KDM3A: variants seen among roughly 807,000 people sequenced by gnomAD.
KDM3A encodes lysine-specific demethylase 3A.
A neutral mutation model predicts 158.0 loss-of-function variants in KDM3A; 60 were observed. The observed-to-expected ratio is 0.38, with a 90% CI of 0.31 to 0.47. KDM3A has a LOEUF of 0.47. KDM3A is among the 20% of genes least tolerant of loss of function. The pLI, the probability that KDM3A is intolerant of heterozygous loss-of-function variation, is 0.99. For missense variants in KDM3A, 1,319 were observed against 1,574.3 expected (o/e 0.84, Z 2.74); for synonymous variants, 608 against 549.3 (o/e 1.11, Z -1.49).
intron 12 of KDM3A, among the ~76,000 whole-genome samples, chr2:86,476,586 TCGA>T (rs1329545846): frequency 1.3e-5 from 2 of 152,224 alleles, no homozygotes; most frequent in African/African-American, 4.8e-5. Flanking sequence ...GGAGCAGATC[TCGA>T]CTATTACTAC....
At chr2:86,448,704 C>G (rs1370643135) in intron 2 of KDM3A, among the ~76,000 whole-genome samples, 1 of 152,070 alleles carries the variant, frequency 6.6e-6, no homozygotes, top group Non-Finnish European at 1.5e-5. Flanking sequence ...TGAGTGATGT[C>G]TGTAAAATGA....
At position 86,446,089 on chromosome 2, in the gene KDM3A, TATTA is replaced by T. The variant is rs891414885; in HGVS notation, c.187-3714_187-3711del. Among the ~76,000 whole-genome samples, 30 of 152,326 alleles carry T rather than the reference TATTA, an allele frequency of 2.0e-4. 1 individual carries two copies. The highest frequency in any genetic ancestry group is 7.7e-4 in the East Asian group (4 of 5,190). On this transcript the variant is annotated intron_variant, in intron 2 of 25. Coordinates refer to ENST00000312912, the MANE Select transcript of KDM3A (RefSeq NM_018433.6). Reference sequence around the variant, plus strand: ...TTTGATATTAGTTTATTAGATACAATATTAATTCATATATCAGAAAGATTTTCTG... The same window carrying T: ...TTTGATATTAGTTTATTAGATACAATATTCATATATCAGAAAGATTTTCTG...
chr2:86,439,493 C>A (rs1178406929), upstream of KDM3A, among the ~76,000 whole-genome samples: 3 of 151,978 alleles, frequency 2.0e-5, no homozygotes, highest in African/African-American at 7.2e-5. Flanking sequence ...GGATATCTTT[C>A]CATCTTTTCT....
chr2:86,448,439 T>C (rs1683041037), intron 2 of KDM3A, among the ~76,000 whole-genome samples: 1 of 152,180 alleles, frequency 6.6e-6, no homozygotes, highest in East Asian at 1.9e-4. Context: ...TGATATACAG[T>C]TGTAAGCAAA....
At chr2:86,444,654 GTGAGATGGGGGTGGGGCGAGGGGC>G (rs1377925752) in intron 2 of KDM3A, among the ~76,000 whole-genome samples, 1 of 145,518 alleles carries the variant, frequency 6.9e-6, no homozygotes, top group Non-Finnish European at 1.5e-5. Context: ...TTTTTGGGGG[GTGAGATGGGGGTGGGGCGAGGGGC>G]TGAGATGAAT....
intron 8 of KDM3A, among the ~76,000 whole-genome samples, chr2:86,460,260 G>A (rs72930369): frequency 1.3e-5 from 2 of 151,912 alleles, no homozygotes; most frequent in Admixed American, 1.3e-4. Context: ...CCATACTCTT[G>A]TAGCCTCCTT....
At chr2:86,439,983 TTG>T (rs1682597998), upstream of KDM3A, among the ~76,000 whole-genome samples, 1 of 152,218 alleles carries the variant, frequency 6.6e-6, no homozygotes, top group African/African-American at 2.4e-5. Context: ...CTTTTAAAAC[TTG>T]TGAGTGAAAT....
At chr2:86,462,473 A>T (rs975396939) in intron 8 of KDM3A, among the ~76,000 whole-genome samples, 1 of 152,182 alleles carries the variant, frequency 6.6e-6, no homozygotes, top group African/African-American at 2.4e-5. Flanking sequence ...TATTACAAGC[A>T]AAAGGGACTT....
intron 2 of KDM3A, among the ~76,000 whole-genome samples, chr2:86,448,266 T>C (rs1325982398): frequency 6.6e-6 from 1 of 152,210 alleles, no homozygotes; most frequent in Non-Finnish European, 1.5e-5. Flanking sequence ...TTCATTTATT[T>C]TTATCCTGTA....
intron 15 of KDM3A, 76 bp from the exon 16 acceptor site, chr2:86,480,091 T>A: frequency 8.7e-7 from 1 of 1,146,682 alleles, no homozygotes; most frequent in South Asian, 1.2e-5. Flanking sequence ...GTTGGTCGGC[T>A]ATTAGGAGAG....
intron 4 of KDM3A, 80 bp downstream of exon 4, chr2:86,451,293 C>T: frequency 1.2e-6 from 1 of 860,534 alleles, no homozygotes; most frequent in Middle Eastern, 3.0e-4. Flanking sequence ...ACAGTTGAAC[C>T]TTAAATAGTG....
intron 16 of KDM3A, among the ~76,000 whole-genome samples, chr2:86,481,510 T>A (rs891638957): frequency 2.6e-5 from 4 of 151,756 alleles, no homozygotes; most frequent in Admixed American, 1.3e-4. Context: ...TTTTTTTTTT[T>A]AAACAGTTTC....
chr2:86,469,898 A>G (rs1412203202), intron 10 of KDM3A, among the ~76,000 whole-genome samples: 1 of 152,208 alleles, frequency 6.6e-6, no homozygotes, highest in Non-Finnish European at 1.5e-5. Context: ...AAAACATCCT[A>G]AAATGTAGAG....
At position 86,466,646 on chromosome 2, in the gene KDM3A, T is replaced by C. The variant is rs375633577; in HGVS notation, c.1282T>C (p.Leu428=). The C allele has an allele frequency of 5.6e-5, 91 of 1,613,820 alleles. No individual in the cohort carries two copies. The highest frequency in any genetic ancestry group is 7.4e-5 in the Non-Finnish European group (87 of 1,179,886). The part of the protein sequence containing the change: ...LPTKASSKAE[L]EIANPPELQK... ...TACAAAGGCTTCTTCTAAGGCAGAATTGGAAATTGCCAATCCTCCTGAACT... is the reference window on the plus strand; with the variant it reads ...TACAAAGGCTTCTTCTAAGGCAGAACTGGAAATTGCCAATCCTCCTGAACT... The change falls in exon 10 of 26, where the codon TTG becomes CTG. Residue 428 remains leucine, a synonymous_variant. Transcript: ENST00000312912.
rs780396421 is a variant in KDM3A, at chr2:86,482,006, C to T, written c.2589C>T (p.Ser863=). The T allele has an allele frequency of 1.2e-6, 2 of 1,613,902 alleles. No homozygotes were observed. Among genetic ancestry groups the T allele is most frequent in the Non-Finnish European group, 1.7e-6 (2 of 1,179,780 alleles). The change falls in exon 17 of 26, where the codon AGC becomes AGT. Residue 863 remains serine (S), a synonymous_variant. Transcript: ENST00000312912. ...LPPLPPLSKS[S]TVLHTFNSTI... ...CCCTCCCACCTTTAAGCAAATCCAG[C>T]ACAGTCCTCCATACGTTTAACAGCA...
Position 86,470,157 on chromosome 2 carries a change from T to A in KDM3A, c.1520-47T>A, listed in dbSNP as rs781628263. ...AGAATTCAGTCATATATGAATGTGA[T>A]TTTTAAAAATTTGAGGTCCTGTCTC... is the stretch of plus-strand genomic sequence containing the variant. On this transcript the variant is annotated intron_variant, in intron 10 of 25. Transcript: ENST00000312912. The A allele has an allele frequency of 4.7e-5, 71 of 1,521,516 alleles. 2 individuals carry two copies. The African/African-American group carries it at 8.8e-4, about 19-fold the overall frequency. The allele number at this position is 1,521,516 out of a possible 1,614,324, so 94.3% of individuals were successfully genotyped here.
chr2:86,483,677 A>T (rs993952319), intron 18 of KDM3A: 3 of 171,704 alleles, frequency 1.7e-5, no homozygotes, highest in Admixed American at 6.2e-5. Flanking sequence ...GTCACTGGAC[A>T]CTCCTTCCAG....
chr2:86,451,026 GTGGAAAA>G (rs1448553677), intron 3 of KDM3A, 70 bp from the exon 4 acceptor site: 5 of 902,058 alleles, frequency 5.5e-6, no homozygotes, highest in Non-Finnish European at 8.5e-6. Flanking sequence ...TTCTCTGTGT[GTGGAAAA>G]TTGCCAGTTC....
intron 16 of KDM3A, among the ~76,000 whole-genome samples, chr2:86,480,775 T>A (rs148681016): frequency 1.5e-3 from 224 of 152,326 alleles, no homozygotes; most frequent in Middle Eastern, 3.4e-3. Flanking sequence ...CTAAGATGAC[T>A]GTTGTAGAAA....
Sources: allele counts gnomAD v4.1 joint callset (sites outside exome capture counted in the v4.1 genomes callset), GRCh38; gene constraint gnomAD v4.1.1; transcripts MANE v1.5; gene names NCBI Gene and HGNC (gene_info 2026-07-23, HGNC 2026-07-21).